Variants in SCNN1B observed in about 807,000 individuals in gnomAD.
SCNN1B encodes epithelial sodium channel subunit beta.
Under a neutral mutation model 65.3 loss-of-function variants are expected in SCNN1B, and 46 were observed. The ratio of observed to expected loss-of-function variants is 0.70; its 90% CI spans 0.56 to 0.90. The LOEUF is 0.90. SCNN1B is among the 40% of genes least tolerant of loss of function. The pLI is 0.00. For missense variants in SCNN1B, 751 were observed against 830.5 expected (o/e 0.90, Z 1.18); for synonymous variants, 349 against 330.6 (o/e 1.06, Z -0.60).
At chr16:23,293,114 CAA>C (rs1191618996) in intron 2 of SCNN1B, among the ~76,000 whole-genome samples, 1,262 of 33,906 alleles carry the variant, frequency 0.037, 5 homozygotes, top group African/African-American at 0.093. Flanking sequence ...GACTCATTCT[CAA>C]AAAAAAAAAA....
At chr16:23,317,313 C>T (rs562429494) in intron 1 of SCNN1B, among the ~76,000 whole-genome samples, 3 of 152,322 alleles carry the variant, frequency 2.0e-5, no homozygotes, top group South Asian at 2.1e-4. Flanking sequence ...TCTGCAAAGG[C>T]GGCAGCAGTT....
chr16:23,306,595 A>G (rs535028919), intron 1 of SCNN1B, among the ~76,000 whole-genome samples: 2 of 152,338 alleles, frequency 1.3e-5, no homozygotes, highest in African/African-American at 4.8e-5. Flanking sequence ...AAGACGCTGC[A>G]ATACCTTTTC....
At chr16:23,281,462 A>G (rs764789644) in intron 1 of SCNN1B, among the ~76,000 whole-genome samples, 2 of 152,152 alleles carry the variant, frequency 1.3e-5, no homozygotes, top group African/African-American at 2.4e-5. Context: ...AAACGATGGA[A>G]TAAGTTAAGA....
intron 1 of SCNN1B, among the ~76,000 whole-genome samples, chr16:23,343,251 G>C (rs1010235594): frequency 6.6e-6 from 1 of 151,420 alleles, no homozygotes; most frequent in Non-Finnish European, 1.5e-5. Context: ...TCAGGAGATC[G>C]AGACCAGCCT....
chr16:23,301,065 A>C (rs1045744943), upstream of SCNN1B, among the ~76,000 whole-genome samples: 1 of 151,494 alleles, frequency 6.6e-6, no homozygotes, highest in African/African-American at 2.4e-5. Context: ...TAATTTTTAA[A>C]AGTACAGAAG....
At chr16:23,298,981 A>T (rs1004365233), upstream of SCNN1B, among the ~76,000 whole-genome samples, 2 of 152,092 alleles carry the variant, frequency 1.3e-5, no homozygotes, top group African/African-American at 4.8e-5. Flanking sequence ...CCCAAAAGAA[A>T]ACCTTCAAAA....
intron 1 of SCNN1B, among the ~76,000 whole-genome samples, chr16:23,303,408 A>G (rs1961127276): frequency 6.6e-6 from 1 of 152,084 alleles, no homozygotes; most frequent in South Asian, 2.1e-4. Context: ...CTCAGATCCC[A>G]GCATCCGTGA....
At chr16:23,345,331 T>C (rs924292880) in intron 1 of SCNN1B, among the ~76,000 whole-genome samples, 1 of 152,208 alleles carries the variant, frequency 6.6e-6, no homozygotes, top group Non-Finnish European at 1.5e-5. Flanking sequence ...GGTCAATTTA[T>C]TTTACTATTA....
At chr16:23,320,710 G>A (rs768860644) in intron 1 of SCNN1B, among the ~76,000 whole-genome samples, 2 of 152,352 alleles carry the variant, frequency 1.3e-5, no homozygotes, top group East Asian at 1.9e-4. Flanking sequence ...AGACACCACC[G>A]TGGGCCTCTA....
At chr16:23,328,056 C>T (rs74012883) in intron 1 of SCNN1B, among the ~76,000 whole-genome samples, 8,814 of 152,102 alleles carry the variant, frequency 0.058, 872 homozygotes, top group African/African-American at 0.2. Context: ...CAGCTGGGGC[C>T]GAGGGGTCAG....
intron 8 of SCNN1B, among the ~76,000 whole-genome samples, chr16:23,376,757 AAAAG>A (rs563920191): frequency 2.1e-3 from 319 of 151,954 alleles, no homozygotes; most frequent in African/African-American, 7.1e-3. Flanking sequence ...AAAAAAAAAA[AAAAG>A]AAAGAAAGAA....
At chr16:23,319,380 C>T (rs983467558) in intron 1 of SCNN1B, among the ~76,000 whole-genome samples, 5 of 152,130 alleles carry the variant, frequency 3.3e-5, no homozygotes, top group African/African-American at 9.7e-5. Context: ...TTAATTCCTC[C>T]AGCCTGGCAG....
chr16:23,307,561 C>T (rs1331415973), intron 1 of SCNN1B, among the ~76,000 whole-genome samples: 1 of 152,096 alleles, frequency 6.6e-6, no homozygotes, highest in Non-Finnish European at 1.5e-5. Context: ...CTCAGGTGAT[C>T]TGCCCACCTC....
At position 23,348,617 on chromosome 16, in the gene SCNN1B, C is replaced by T. The variant is rs779609320; in HGVS notation, c.18C>T (p.Tyr6=). The T allele has an allele frequency of 2.5e-6, 4 of 1,613,100 alleles. No homozygotes were observed. The highest frequency in any genetic ancestry group is 2.7e-5 in the African/African-American group (2 of 75,028). ...GTGCCACTATGCACGTGAAGAAGTA[C>T]CTGCTGAAGGGCCTGCATCGGCTGC... MHVKK[Y]LLKGLHRLQK... Residue 6 remains tyrosine (Y), a synonymous_variant, in exon 2 of 13, where the codon TAC becomes TAT. Coordinates refer to ENST00000343070, the MANE Select transcript of SCNN1B (RefSeq NM_000336.3). This position sits in a 1 kb window ranked among gnomAD's most constrained non-coding sequence, Gnocchi z 4.5.
At chr16:23,300,212 G>A (rs912073614), upstream of SCNN1B, among the ~76,000 whole-genome samples, 1 of 152,128 alleles carries the variant, frequency 6.6e-6, no homozygotes, top group East Asian at 1.9e-4. Flanking sequence ...GCTAGGGGAC[G>A]GAGAGCATTA....
chr16:23,298,829 C>T (rs1039705364), upstream of SCNN1B, among the ~76,000 whole-genome samples: 16 of 152,296 alleles, frequency 1.1e-4, no homozygotes, highest in African/African-American at 3.8e-4. Flanking sequence ...TAACATCAAC[C>T]AGTCTGGAGT....
chr16:23,342,273 G>A (rs1962069859), intron 1 of SCNN1B, among the ~76,000 whole-genome samples: 1 of 151,766 alleles, frequency 6.6e-6, no homozygotes, highest in African/African-American at 2.4e-5. Context: ...TTGAGACAGA[G>A]TTTCACTCTT....
chr16:23,328,990 C>T (rs1368999203), intron 1 of SCNN1B, among the ~76,000 whole-genome samples: 1 of 151,780 alleles, frequency 6.6e-6, no homozygotes, highest in African/African-American at 2.4e-5. Flanking sequence ...TGTAGAGAGA[C>T]GGTCACGCTG....
At chr16:23,371,270 AG>A in intron 5 of SCNN1B, 28 bp from the exon 6 acceptor site, 1 of 1,612,992 alleles carries the variant, frequency 6.2e-7, no homozygotes, top group Non-Finnish European at 8.5e-7. Flanking sequence ...GAGAAAGTTC[AG>A]GCAGCCCTCA....
Sources: allele counts gnomAD v4.1 joint callset (sites outside exome capture counted in the v4.1 genomes callset), GRCh38; gene constraint gnomAD v4.1.1; non-coding constraint Gnocchi (gnomAD v3.1); transcripts MANE v1.5; gene names NCBI Gene and HGNC (gene_info 2026-07-23, HGNC 2026-07-21).